Variants in ABCC4 observed in about 807,000 individuals in gnomAD.
ABCC4 encodes ATP-binding cassette sub-family C member 4.
Under a neutral mutation model 168.5 loss-of-function variants are expected in ABCC4, and 102 were observed. The ratio of observed to expected loss-of-function variants is 0.61; its 90% CI spans 0.52 to 0.71. The LOEUF (loss-of-function observed/expected upper bound fraction) is 0.71, where lower values mean the gene tolerates loss of function less well. ABCC4 is among the 30% of genes least tolerant of loss of function. The pLI, the probability that ABCC4 is intolerant of heterozygous loss-of-function variation, is 0.00. For synonymous variants in ABCC4, 617 were observed against 590.7 expected (o/e 1.04, Z -0.65); for missense variants, 1,402 against 1,605.8 (o/e 0.87, Z 2.17).
chr13:95,115,551 T>A (rs545724529), intron 20 of ABCC4, among the ~76,000 whole-genome samples: 1 of 149,248 alleles, frequency 6.7e-6, no homozygotes, highest in African/African-American at 2.5e-5. Flanking sequence ...GGTAATACAA[T>A]GCATAATTTA....
intron 19 of ABCC4, among the ~76,000 whole-genome samples, chr13:95,154,713 G>A (rs2036802003): frequency 6.6e-6 from 1 of 152,202 alleles, no homozygotes; most frequent in African/African-American, 2.4e-5. Context: ...TACCTGCTCA[G>A]CAGAATCACT....
At chr13:95,218,427 G>A (rs1191447369) in intron 4 of ABCC4, among the ~76,000 whole-genome samples, 2 of 152,200 alleles carry the variant, frequency 1.3e-5, no homozygotes, top group Non-Finnish European at 2.9e-5. Flanking sequence ...TTAAGGAGAT[G>A]AAAATGTCCA....
chr13:95,062,486 T>TCTCACACACA (rs1555306573), intron 26 of ABCC4, among the ~76,000 whole-genome samples: 11 of 144,994 alleles, frequency 7.6e-5, no homozygotes, highest in African/African-American at 2.6e-4. Context: ...TTATTAAATA[T>TCTCACACACA]CACACACACA....
chr13:95,157,088 C>CCACACA (rs67671921), intron 19 of ABCC4, among the ~76,000 whole-genome samples: 15,720 of 134,502 alleles, frequency 0.12, 1,058 homozygotes, highest in African/African-American at 0.19. Context: ...TGAGACTCTA[C>CCACACA]CACACACACA....
rs1427015669 is a variant in ABCC4, at chr13:95,034,671, T to C, written c.3804A>G (p.Leu1268=). The C allele has an allele frequency of 6.2e-7, 1 of 1,614,250 alleles. No individual in the cohort carries two copies. Among genetic ancestry groups the C allele is most frequent in the East Asian group, 2.2e-5 (1 of 44,886 alleles). The change falls in exon 30 of 31, where the codon CTA becomes CTG. Residue 1268 remains leucine, a synonymous_variant. Transcript: ENST00000645237. ...PYVLLQNKES[L]FYKMVQQLGK... ...CCAGTTGTTGCACCATCTTGTAAAA[T>C]AGGCTCTCTTTATTTTGCAGCAAAA...
chr13:95,206,675 C>T lies in ABCC4; in HGVS notation c.1018G>A (p.Val340Met). Residue 340 changes from valine to methionine, a missense_variant, in exon 8 of 31, where the codon GTG becomes ATG. Physicochemically the swap from Val to Met is conservative, Grantham distance 21. Around this residue, in one of 3 missense-constraint regions of ABCC4, gnomAD observed 78 missense variants for 133.0 expected, o/e 0.59. Transcript: ENST00000645237. The stretch of plus-strand genomic sequence containing the variant: ...GCTGTGATCACACTGCCGAGGAGCA[C>T]GTAGGTGGTGAAGGTCACAAACACG... ...IIVFVTFTTYVLLGSVITASR... is the reference protein window; with the variant it reads ...IIVFVTFTTYMLLGSVITASR... The T allele has an allele frequency of 5.0e-6, 8 of 1,614,132 alleles. No homozygotes were observed. Among genetic ancestry groups the T allele is most frequent in the South Asian group, 2.2e-5 (2 of 91,076 alleles).
intron 8 of ABCC4, among the ~76,000 whole-genome samples, chr13:95,197,198 T>C (rs1327256373): frequency 3.9e-5 from 6 of 152,204 alleles, no homozygotes; most frequent in Non-Finnish European, 8.8e-5. Flanking sequence ...AGATACATGC[T>C]ACAGTCATAA....
intron 3 of ABCC4, among the ~76,000 whole-genome samples, chr13:95,238,195 G>GGA (rs2039829448): frequency 3.0e-5 from 2 of 65,872 alleles, no homozygotes; most frequent in Admixed American, 3.6e-4. Context: ...CTCCATCTCA[G>GGA]AAAAAAAAAA....
chr13:95,021,932 T>C (rs1438440256), intron 30 of ABCC4, among the ~76,000 whole-genome samples: 3 of 152,324 alleles, frequency 2.0e-5, no homozygotes, highest in East Asian at 3.9e-4. Flanking sequence ...TTCATAGATA[T>C]GTTTTATCTC....
At chr13:95,061,611 T>G (rs1176939438) in intron 26 of ABCC4, among the ~76,000 whole-genome samples, 5 of 147,246 alleles carry the variant, frequency 3.4e-5, no homozygotes, top group African/African-American at 1.0e-4. Flanking sequence ...TGTGTGTGTG[T>G]GTGTGTGTGT....
At chr13:95,202,683 C>CT (rs1245683579) in intron 8 of ABCC4, among the ~76,000 whole-genome samples, 1 of 138,822 alleles carries the variant, frequency 7.2e-6, no homozygotes, top group East Asian at 2.2e-4. Flanking sequence ...GGAGTCTCCT[C>CT]TGTCACCCAG....
At chr13:95,107,140 C>T (rs2035035733) in intron 20 of ABCC4, among the ~76,000 whole-genome samples, 1 of 151,982 alleles carries the variant, frequency 6.6e-6, no homozygotes, top group Non-Finnish European at 1.5e-5. Flanking sequence ...ACCTGTAATC[C>T]CAGCTACCCG....
chr13:95,154,596 T>C (rs947743865), intron 19 of ABCC4, among the ~76,000 whole-genome samples: 9 of 152,338 alleles, frequency 5.9e-5, no homozygotes, highest in African/African-American at 2.2e-4. Context: ...TGAGGAAATA[T>C]TTTAGCACGA....
At chr13:95,115,836 C>G (rs878929580) in intron 20 of ABCC4, 86 bp downstream of exon 20, 4 of 1,088,538 alleles carry the variant, frequency 3.7e-6, no homozygotes, top group Non-Finnish European at 5.5e-6. Context: ...GGCCGAGAGT[C>G]CCACCCCCAG....
Position 95,247,629 on chromosome 13 carries a change from T to C in ABCC4, c.185+14A>G, listed in dbSNP as rs752603089. 16 of 1,603,552 alleles carry C rather than the reference T, an allele frequency of 1.0e-5. No homozygotes were observed. The South Asian group carries it at 1.3e-4, about 13-fold the overall frequency. ...CACGCTTCCTTAATGCCCACTTTAC[T>C]GCCTCCGACTTACCCTTGCAACTCC... On this transcript the variant is annotated intron_variant, in intron 2 of 30. Transcript: ENST00000645237.
rs537579667 is a variant in ABCC4, at chr13:95,163,220, T to C, written c.2214-4A>G. The C allele has an allele frequency of 9.7e-5, 154 of 1,592,868 alleles. No homozygotes were observed. Among genetic ancestry groups the C allele is most frequent in the Non-Finnish European group, 1.2e-4 (140 of 1,164,248 alleles). ...TAGCATACTTTGTTTGTTTGCCCTA[T>C]GGAACATGGGGAGAAAAAAATATTA... is the stretch of plus-strand genomic sequence containing the variant. On this transcript the variant is annotated splice_region_variant and splice_polypyrimidine_tract_variant and intron_variant, in intron 17 of 30. Coordinates refer to ENST00000645237, the MANE Select transcript of ABCC4 (RefSeq NM_005845.5).
chr13:95,060,478 C>T (rs17189306), intron 26 of ABCC4, among the ~76,000 whole-genome samples: 2,007 of 152,324 alleles, frequency 0.013, 25 homozygotes, highest in Non-Finnish European at 0.018. Context: ...AGGGCACGTT[C>T]CTAGAACCTT....
intron 20 of ABCC4, among the ~76,000 whole-genome samples, chr13:95,105,475 T>TTTAC (rs2034971187): frequency 6.6e-6 from 1 of 152,130 alleles, no homozygotes; most frequent in Admixed American, 6.5e-5. Flanking sequence ...AAATTTAACA[T>TTTAC]TTACCCCTGG....
At chr13:95,053,208 T>C in intron 26 of ABCC4, 24 bp from the exon 27 acceptor site, 1 of 1,567,742 alleles carries the variant, frequency 6.4e-7, no homozygotes, top group Non-Finnish European at 8.8e-7. Context: ...ATAGTCACGG[T>C]CATTACCACA....
Sources: allele counts gnomAD v4.1 joint callset (sites outside exome capture counted in the v4.1 genomes callset), GRCh38; gene constraint gnomAD v4.1.1; regional missense constraint gnomAD v4.1.1; transcripts MANE v1.5; gene names NCBI Gene and HGNC (gene_info 2026-07-23, HGNC 2026-07-21).